Variants in TMEM131 observed in about 807,000 individuals in gnomAD.
TMEM131 encodes 2610524E03Rik.
A neutral mutation model predicts 211.6 loss-of-function variants in TMEM131; 66 were observed. That is an observed-to-expected ratio of 0.31 (90% confidence interval 0.26 to 0.38). The LOEUF (loss-of-function observed/expected upper bound fraction) is 0.38, where lower values mean the gene tolerates loss of function less well. TMEM131 is among the 10% of genes least tolerant of loss of function. TMEM131 has a pLI of 1.00. For missense variants in TMEM131, 2,036 were observed against 2,299.3 expected, an observed-to-expected ratio of 0.89 and a Z score of 2.34; for synonymous variants, 844 against 841.3, an observed-to-expected ratio of 1.00 and a Z score of -0.06.
chr2:97,813,879 G>T, intron 15 of TMEM131, 92 bp downstream of exon 15: 1 of 1,044,474 alleles, frequency 9.6e-7, no homozygotes, highest in Non-Finnish European at 1.3e-6. Context: ...ACAAATAATG[G>T]CAAACCGTAT....
At chr2:97,780,206 G>GAT (rs1679932772) in intron 31 of TMEM131, among the ~76,000 whole-genome samples, 1 of 152,188 alleles carries the variant, frequency 6.6e-6, no homozygotes, top group Non-Finnish European at 1.5e-5. Context: ...ATCTCTGGTG[G>GAT]ATAGGTGCTG....
At chr2:97,869,312 G>A (rs1674397534) in intron 4 of TMEM131, among the ~76,000 whole-genome samples, 1 of 152,226 alleles carries the variant, frequency 6.6e-6, no homozygotes, top group Non-Finnish European at 1.5e-5. Context: ...TCCTGCAGGA[G>A]AGGGCTGTGG....
At chr2:97,786,917 T>A (rs571799854) in intron 31 of TMEM131, among the ~76,000 whole-genome samples, 1 of 152,340 alleles carries the variant, frequency 6.6e-6, no homozygotes, top group South Asian at 2.1e-4. Context: ...CCAGATGAAC[T>A]CCTATGCCCC....
At position 97,798,444 on chromosome 2, in the gene TMEM131, CAT is replaced by C. The variant is rs556822964; in HGVS notation, c.2719-930_2719-929del. On this transcript the variant is annotated intron_variant, in intron 25 of 40. Transcript: ENST00000186436. ...GGCATAGATCGGTGTGTGTTTCACA[CAT>C]AGAGATCTAGCTACTTGCTTCAGCA... 1.3e-3 allele frequency among the ~76,000 whole-genome samples: 197 copies of C among 152,356 alleles called. 1 individual carries two copies. Among genetic ancestry groups the C allele is most frequent in the African/African-American group, 3.8e-3 (160 of 41,582 alleles).
At chr2:97,939,143 T>A (rs1677593147) in intron 1 of TMEM131, among the ~76,000 whole-genome samples, 1 of 151,712 alleles carries the variant, frequency 6.6e-6, no homozygotes, top group African/African-American at 2.4e-5. Flanking sequence ...GCAAACACAT[T>A]CAAAAGCTAG....
chr2:97,906,634 T>C (rs1416905241), intron 3 of TMEM131, among the ~76,000 whole-genome samples: 1 of 152,204 alleles, frequency 6.6e-6, no homozygotes, highest in East Asian at 1.9e-4. Context: ...CTAGCCCATG[T>C]GAAGGCCACA....
intron 2 of TMEM131, among the ~76,000 whole-genome samples, chr2:97,922,751 A>T (rs1676797861): frequency 6.6e-6 from 1 of 152,226 alleles, no homozygotes; most frequent in African/African-American, 2.4e-5. Context: ...CTTTATGGGT[A>T]GTAACTAGGA....
intron 1 of TMEM131, among the ~76,000 whole-genome samples, chr2:97,934,304 T>C (rs554351120): frequency 5.3e-5 from 8 of 152,172 alleles, no homozygotes; most frequent in African/African-American, 1.9e-4. Context: ...ACCTCAGATA[T>C]AAATCTAAGA....
At chr2:97,948,972 AG>A (rs1678176619) in intron 1 of TMEM131, among the ~76,000 whole-genome samples, 1 of 152,094 alleles carries the variant, frequency 6.6e-6, no homozygotes, top group South Asian at 2.1e-4. Context: ...TTTCTGAAAA[AG>A]TTGAACACAT....
intron 1 of TMEM131, among the ~76,000 whole-genome samples, chr2:97,980,592 A>G (rs1283455191): frequency 6.6e-6 from 1 of 152,196 alleles, no homozygotes; most frequent in African/African-American, 2.4e-5. Context: ...AAAATAAAAT[A>G]CATGTGCATA....
chr2:97,907,669 T>A (rs963713997), intron 3 of TMEM131, among the ~76,000 whole-genome samples: 1 of 152,132 alleles, frequency 6.6e-6, no homozygotes, highest in Non-Finnish European at 1.5e-5. Context: ...AAGGATAAAT[T>A]TGCCTTGCTG....
intron 22 of TMEM131, among the ~76,000 whole-genome samples, chr2:97,804,560 G>A (rs945755947): frequency 6.7e-6 from 1 of 149,570 alleles, no homozygotes; most frequent in African/African-American, 2.5e-5. Context: ...CTACTTGGGA[G>A]GCTGATGCAG....
chr2:97,829,273 C>T (rs1329432271), intron 11 of TMEM131, among the ~76,000 whole-genome samples: 1 of 152,236 alleles, frequency 6.6e-6, no homozygotes, highest in East Asian at 1.9e-4. Flanking sequence ...GTGCTCTGTG[C>T]CTAGCTAAAG....
intron 5 of TMEM131, among the ~76,000 whole-genome samples, chr2:97,849,752 T>G (rs1573456616): frequency 7.4e-6 from 1 of 135,178 alleles, no homozygotes; most frequent in Non-Finnish European, 1.6e-5. Context: ...CTGTTTTGGG[T>G]GAATCCACGA....
chr2:97,778,402 T>TA (rs1361966016), intron 31 of TMEM131, among the ~76,000 whole-genome samples: 4 of 152,046 alleles, frequency 2.6e-5, no homozygotes, highest in African/African-American at 2.4e-5. Context: ...AATATAAAAA[T>TA]TAGCTGGGCA....
chr2:97,881,460 G>A (rs888638310), intron 4 of TMEM131, among the ~76,000 whole-genome samples: 4 of 151,584 alleles, frequency 2.6e-5, no homozygotes, highest in East Asian at 3.9e-4. Context: ...CTCCCACCTC[G>A]GCCTCCCATA....
intron 6 of TMEM131, among the ~76,000 whole-genome samples, chr2:97,842,485 T>C (rs956200157): frequency 4.0e-5 from 6 of 150,964 alleles, no homozygotes; most frequent in African/African-American, 1.5e-4. Flanking sequence ...CATCGTAGTA[T>C]TGGAGACAGA....
At chr2:97,960,190 T>C (rs1436799032) in intron 1 of TMEM131, among the ~76,000 whole-genome samples, 1 of 152,216 alleles carries the variant, frequency 6.6e-6, no homozygotes, top group African/African-American at 2.4e-5. Flanking sequence ...AGTACACATA[T>C]ACCCAATAAT....
At chr2:97,868,722 G>C (rs1171983607) in intron 4 of TMEM131, among the ~76,000 whole-genome samples, 1 of 152,102 alleles carries the variant, frequency 6.6e-6, no homozygotes, top group African/African-American at 2.4e-5. Flanking sequence ...ACAGGGTTTG[G>C]GTCCTGAGGC....
Sources: allele counts gnomAD v4.1 joint callset (sites outside exome capture counted in the v4.1 genomes callset), GRCh38; gene constraint gnomAD v4.1.1; transcripts MANE v1.5; gene names NCBI Gene and HGNC (gene_info 2026-07-23, HGNC 2026-07-21).